The following MBD5 variants were observed in gnomAD, a reference collection of about 807,000 sequenced individuals.
MBD5 encodes the protein methyl-CpG-binding domain protein 5.
In MBD5, 13 loss-of-function variants were observed where a neutral mutation model predicts 117.3. The ratio of observed to expected loss-of-function variants is 0.11; its 90% CI spans 0.07 to 0.18. The LOEUF (loss-of-function observed/expected upper bound fraction) is 0.18. Ranked by LOEUF, MBD5 falls within the 10% of genes least tolerant of loss-of-function variation. The pLI is 1.00. For missense variants in MBD5, 1,879 were observed against 2,093.8 expected, an observed-to-expected ratio of 0.90 and a Z score of 2.00; for synonymous variants, 727 against 766.4, an observed-to-expected ratio of 0.95 and a Z score of 0.85.
chr2:148,287,883 G>A (rs1045301032), intron 3 of MBD5, among the ~76,000 whole-genome samples: 21 of 152,080 alleles, frequency 1.4e-4, no homozygotes, highest in Admixed American at 1.3e-3. Flanking sequence ...AGTTCTCAAC[G>A]TTGTTGCTTT....
At chr2:148,344,870 A>G (rs1374915555) in intron 4 of MBD5, among the ~76,000 whole-genome samples, 1 of 151,932 alleles carries the variant, frequency 6.6e-6, no homozygotes, top group East Asian at 1.9e-4. Flanking sequence ...AGTGATATGT[A>G]TTCATATCTG....
chr2:148,035,456 C>G (rs2105625399), intron 1 of MBD5, among the ~76,000 whole-genome samples: 1 of 152,080 alleles, frequency 6.6e-6, no homozygotes, highest in South Asian at 2.1e-4. Flanking sequence ...GACTGATATA[C>G]TTCATTTTTG....
intron 1 of MBD5, among the ~76,000 whole-genome samples, chr2:148,058,537 C>CT (rs1022488633): frequency 1.3e-4 from 20 of 150,522 alleles, no homozygotes; most frequent in Non-Finnish European, 2.5e-4. Context: ...ATTGCAAATG[C>CT]TTTTTTTTTA....
intron 4 of MBD5, among the ~76,000 whole-genome samples, chr2:148,342,948 C>T (rs976509400): frequency 1.3e-5 from 2 of 151,902 alleles, no homozygotes; most frequent in African/African-American, 4.8e-5. Context: ...CTCTAGTAGT[C>T]CCTGTTGTCT....
chr2:148,224,381 T>A (rs1278406955), intron 2 of MBD5, among the ~76,000 whole-genome samples: 3 of 152,040 alleles, frequency 2.0e-5, no homozygotes, highest in Non-Finnish European at 4.4e-5. Flanking sequence ...TCTCGCTCCG[T>A]CACCAGGCTG....
At chr2:148,130,985 C>A (rs1373141120) in intron 1 of MBD5, among the ~76,000 whole-genome samples, 1 of 152,200 alleles carries the variant, frequency 6.6e-6, no homozygotes. Flanking sequence ...CATAACATCT[C>A]ATTTCCTGAT....
At chr2:148,148,770 T>C (rs1697545305) in intron 1 of MBD5, among the ~76,000 whole-genome samples, 1 of 152,192 alleles carries the variant, frequency 6.6e-6, no homozygotes. Flanking sequence ...TGAAACATTT[T>C]CCTTGTGCAC....
intron 1 of MBD5, among the ~76,000 whole-genome samples, chr2:148,152,138 G>C (rs1403129566): frequency 6.6e-6 from 1 of 151,946 alleles, no homozygotes; most frequent in Non-Finnish European, 1.5e-5. Context: ...CTGGTATGTT[G>C]TGTCTTTGTT....
At chr2:148,381,394 G>A (rs1704138576) in intron 4 of MBD5, among the ~76,000 whole-genome samples, 1 of 152,080 alleles carries the variant, frequency 6.6e-6, no homozygotes, top group Admixed American at 6.6e-5. Flanking sequence ...TGAATGAAAT[G>A]AGAAGTTTAG....
intron 11 of MBD5, among the ~76,000 whole-genome samples, chr2:148,498,501 C>T (rs1195924149): frequency 6.6e-6 from 1 of 152,126 alleles, no homozygotes; most frequent in East Asian, 1.9e-4. Flanking sequence ...CCATGCCCAG[C>T]TATTTTTTGT....
At chr2:148,319,772 A>C (rs973083843) in intron 3 of MBD5, among the ~76,000 whole-genome samples, 4 of 152,170 alleles carry the variant, frequency 2.6e-5, no homozygotes, top group Admixed American at 1.3e-4. Flanking sequence ...TTGCTGTGGC[A>C]AGGACTTCCG....
chr2:148,124,026 T>A (rs1696830667), intron 1 of MBD5, among the ~76,000 whole-genome samples: 1 of 152,110 alleles, frequency 6.6e-6, no homozygotes, highest in Non-Finnish European at 1.5e-5. Context: ...ATACGTGTAA[T>A]ACAGCACTTT....
intron 4 of MBD5, among the ~76,000 whole-genome samples, chr2:148,428,993 A>G (rs1161685738): frequency 6.6e-6 from 1 of 152,204 alleles, no homozygotes; most frequent in African/African-American, 2.4e-5. Flanking sequence ...AAATTGACAA[A>G]TGGGATCCAA....
At chr2:148,340,030 T>C (rs1702897246) in intron 3 of MBD5, among the ~76,000 whole-genome samples, 1 of 152,090 alleles carries the variant, frequency 6.6e-6, no homozygotes, top group Non-Finnish European at 1.5e-5. Context: ...CTGATTTGGG[T>C]CCCTCTCTCC....
intron 1 of MBD5, among the ~76,000 whole-genome samples, chr2:148,167,429 G>C (rs1182030768): frequency 6.6e-6 from 1 of 152,086 alleles, no homozygotes; most frequent in Non-Finnish European, 1.5e-5. Flanking sequence ...ACAACCTAGT[G>C]ATTTGTTCTG....
chr2:148,452,093 ATTAT>A (rs1706745994), intron 4 of MBD5, among the ~76,000 whole-genome samples: 2 of 152,302 alleles, frequency 1.3e-5, no homozygotes, highest in Admixed American at 6.5e-5. Flanking sequence ...TAATCATTTA[ATTAT>A]TCAGAAGAAT....
At chr2:148,223,922 T>C (rs1166925218) in intron 2 of MBD5, among the ~76,000 whole-genome samples, 1 of 152,210 alleles carries the variant, frequency 6.6e-6, no homozygotes, top group Non-Finnish European at 1.5e-5. Context: ...TTGTTGTGTT[T>C]CCATTATCAT....
At chr2:148,291,980 A>G (rs1039596163) in intron 3 of MBD5, among the ~76,000 whole-genome samples, 2 of 152,210 alleles carry the variant, frequency 1.3e-5, no homozygotes, top group African/African-American at 4.8e-5. Context: ...GAGTCTTTTC[A>G]ATAATTGGTG....
intron 4 of MBD5, among the ~76,000 whole-genome samples, chr2:148,418,567 G>T (rs1419974408): frequency 2.0e-5 from 3 of 152,024 alleles, no homozygotes; most frequent in Non-Finnish European, 4.4e-5. Context: ...AGTAGCATTG[G>T]TATAAACCAA....
Sources: gnomAD v4.1 joint callset for allele counts (sites outside exome capture counted in the v4.1 genomes callset) on GRCh38, gnomAD v4.1.1 for gene constraint, MANE v1.5 for transcripts, NCBI Gene and HGNC (gene_info 2026-07-23, HGNC 2026-07-21) for gene names.